Variants in DIAPH1 observed in about 807,000 individuals in gnomAD.
The protein encoded by DIAPH1 is diaphanous related formin 1.
DIAPH1 carries 46 observed loss-of-function variants against 140.7 expected under a neutral mutation model. That is an observed-to-expected ratio of 0.33 (90% CI 0.26 to 0.42). The LOEUF is 0.42. DIAPH1 is among the 10% of genes least tolerant of loss of function. The pLI, the probability that DIAPH1 is intolerant of heterozygous loss-of-function variation, is 1.00. For missense variants in DIAPH1, 1,310 were observed against 1,558.7 expected, an observed-to-expected ratio of 0.84 and a Z score of 2.69; for synonymous variants, 565 against 551.6, an observed-to-expected ratio of 1.02 and a Z score of -0.34.
Position 141,576,303 on chromosome 5 carries a change from A to G in DIAPH1, c.1397-9T>C. 10 of 1,609,988 alleles carry G rather than the reference A, an allele frequency of 6.2e-6. No individual in the cohort carries two copies. The highest frequency in any genetic ancestry group is 8.5e-6 in the Non-Finnish European group (10 of 1,176,226). ...CTTATCAATCATTTGATCTGAAAAGAAGAAGAGTCAGTAAGTAAAGCTCCT... is the reference window on the plus strand; with the variant it reads ...CTTATCAATCATTTGATCTGAAAAGGAGAAGAGTCAGTAAGTAAAGCTCCT... On this transcript the variant is annotated splice_polypyrimidine_tract_variant and intron_variant, in intron 13 of 27. Transcript: ENST00000389054.
intron 7 of DIAPH1, chr5:141,582,086 A>AG (rs1562328962): frequency 1.1e-4 from 42 of 391,732 alleles, no homozygotes; most frequent in South Asian, 1.2e-4. Flanking sequence ...AAAAAAAAAA[A>AG]AGAGAGAGAA....
At chr5:141,605,850 C>T (rs575301272) in intron 1 of DIAPH1, among the ~76,000 whole-genome samples, 1 of 152,102 alleles carries the variant, frequency 6.6e-6, no homozygotes. Flanking sequence ...CTTCTTCTTG[C>T]GGTTTCAATC....
In DIAPH1 at chr5:141,587,093, T is replaced by C; in HGVS notation, c.249A>G (p.Ser83=). The part of the protein sequence containing the change: ...ASYGDDPTAQ[S]LQDVSDEQVL... Reference sequence around the variant, plus strand: ...CTTGTTCATCTGAAACATCTTGCAATGACTGTGCTGTGGGATCATCCCCAT... The same window carrying C: ...CTTGTTCATCTGAAACATCTTGCAACGACTGTGCTGTGGGATCATCCCCAT... The change falls in exon 3 of 28, where the codon TCA becomes TCG. Residue 83 remains serine, a synonymous_variant. Transcript: ENST00000389054. 6.2e-7 allele frequency: 1 copy of C among 1,614,192 alleles called. No homozygotes were observed. Among genetic ancestry groups the C allele is most frequent in the Non-Finnish European group, 8.5e-7 (1 of 1,180,022 alleles).
At chr5:141,540,857 C>T (rs776591209) in intron 18 of DIAPH1, among the ~76,000 whole-genome samples, 20 of 151,702 alleles carry the variant, frequency 1.3e-4, no homozygotes, top group Admixed American at 1.2e-3. Context: ...CTCAGGAGTT[C>T]GAGACCACCC....
In DIAPH1 at chr5:141,579,961, GA is replaced by G. The variant is rs1403489827; in HGVS notation, c.825-766del. Among the ~76,000 whole-genome samples the G allele has an allele frequency of 2.8e-3, 398 of 140,426 alleles. 1 individual carries two copies. The highest frequency in any genetic ancestry group is 0.011 in the East Asian group (53 of 4,846). The allele number at this position is 140,426 out of a possible 152,430, so 92.1% of individuals were successfully genotyped here. A position where few individuals can be genotyped will look rare whatever the true frequency, so the allele number is the denominator to read the frequency against. Reference sequence around the variant, plus strand: ...AGCCTCCGTCTCAAAAAAAAAAAAGGAAAAAAAAAAAATCTGTAAGTCCAGC... The same window carrying G: ...AGCCTCCGTCTCAAAAAAAAAAAAGGAAAAAAAAAAATCTGTAAGTCCAGC... On this transcript the variant is annotated intron_variant, in intron 8 of 27. Coordinates refer to ENST00000389054, the MANE Select transcript of DIAPH1 (RefSeq NM_005219.5).
Position 141,554,737 on chromosome 5 carries a change from C to T in DIAPH1, c.2482+16691G>A, listed in dbSNP as rs944642660. 5.9e-5 allele frequency among the ~76,000 whole-genome samples: 9 copies of T among 152,138 alleles called. No homozygotes were observed. The South Asian group carries it at 1.2e-3, about 21-fold the overall frequency. Reference sequence around the variant, plus strand: ...TAGATTTGTTTTAGGAATGCAAAATCGGTGTAACAGAAATCAGTTAATATG... The same window carrying T: ...TAGATTTGTTTTAGGAATGCAAAATTGGTGTAACAGAAATCAGTTAATATG... On this transcript the variant is annotated intron_variant, in intron 18 of 27. Transcript: ENST00000389054.
chr5:141,535,285 A>C (rs2099888843), intron 18 of DIAPH1, among the ~76,000 whole-genome samples: 1 of 152,130 alleles, frequency 6.6e-6, no homozygotes, highest in Non-Finnish European at 1.5e-5. Flanking sequence ...TTCTCTAAAA[A>C]AATTTTGTTT....
Position 141,528,474 on chromosome 5 carries a change from G to A in DIAPH1, c.3127C>T (p.His1043Tyr). The A allele has an allele frequency of 7.4e-6, 12 of 1,614,196 alleles. No individual in the cohort carries two copies. The highest frequency in any genetic ancestry group is 9.3e-6 in the Non-Finnish European group (11 of 1,180,040). The change falls in exon 23 of 28, where the codon CAT becomes TAT. Residue 1043 changes from histidine to tyrosine, a missense_variant. Physicochemically the swap from His to Tyr is moderately conservative, Grantham distance 83 (BLOSUM62 2). Coordinates refer to ENST00000389054, the MANE Select transcript of DIAPH1 (RefSeq NM_005219.5). Reference sequence around the variant, plus strand: ...CCACCTCGGCTGGCTTTCTCCACATGGGCAAGCTCGTCTGGAAACTTGAGG... The same window carrying A: ...CCACCTCGGCTGGCTTTCTCCACATAGGCAAGCTCGTCTGGAAACTTGAGG... Reference protein sequence around the residue: ...DVLKFPDELAHVEKASRVSAE... With the variant: ...DVLKFPDELAYVEKASRVSAE...
At chr5:141,599,917 C>G (rs564025346) in intron 1 of DIAPH1, among the ~76,000 whole-genome samples, 3 of 151,880 alleles carry the variant, frequency 2.0e-5, no homozygotes, top group African/African-American at 7.3e-5. Flanking sequence ...GTTTTTGAGA[C>G]AAGGTCTCAC....
intron 18 of DIAPH1, chr5:141,560,765 TTCA>T: frequency 2.3e-6 from 1 of 436,878 alleles, no homozygotes; most frequent in South Asian, 1.6e-5. Flanking sequence ...TTCTGTTTTA[TTCA>T]GGGTTGGGAA....
At chr5:141,567,744 C>T (rs1485012090) in intron 18 of DIAPH1, among the ~76,000 whole-genome samples, 3 of 152,118 alleles carry the variant, frequency 2.0e-5, no homozygotes, top group Non-Finnish European at 4.4e-5. Flanking sequence ...AGAAAAAGAC[C>T]CTCAGATTCT....
chr5:141,599,460 C>T (rs1435228783), intron 1 of DIAPH1, among the ~76,000 whole-genome samples: 1 of 152,182 alleles, frequency 6.6e-6, no homozygotes, highest in Non-Finnish European at 1.5e-5. Flanking sequence ...TTGGTCCTTA[C>T]ACTCTGACGA....
Position 141,516,709 on chromosome 5 carries a change from C to G in DIAPH1, c.*142G>C. On this transcript the variant is annotated 3_prime_UTR_variant, in exon 28 of 28. Transcript: ENST00000389054. ...GAAGCTGTATGTGATGTTGAGAGAG[C>G]AGCAGGCCAGAGAGAAAGACAGGGT... 2.2e-6 allele frequency: 2 copies of G among 888,970 alleles called. No homozygotes were observed. Among genetic ancestry groups the G allele is most frequent in the South Asian group, 1.4e-5 (1 of 69,126 alleles). 55.1% of individuals were successfully genotyped at this position (888,970 alleles called of 1,614,324 possible).
At chr5:141,572,884 G>T (rs2099895401) in intron 16 of DIAPH1, among the ~76,000 whole-genome samples, 1 of 152,148 alleles carries the variant, frequency 6.6e-6, no homozygotes, top group Non-Finnish European at 1.5e-5. Context: ...TTGCAGACTG[G>T]TGAATGACTA....
chr5:141,562,440 A>C (rs1424630121), intron 18 of DIAPH1, among the ~76,000 whole-genome samples: 3 of 152,166 alleles, frequency 2.0e-5, no homozygotes, highest in Admixed American at 2.0e-4. Flanking sequence ...AATCTGTATC[A>C]GTATTTGTTT....
At chr5:141,545,455 A>G (rs1248581125) in intron 18 of DIAPH1, among the ~76,000 whole-genome samples, 5 of 152,140 alleles carry the variant, frequency 3.3e-5, no homozygotes, top group African/African-American at 1.2e-4. Context: ...GCTCGAGACC[A>G]GCCTAGGCGA....
At chr5:141,561,241 T>A (rs1036894304) in intron 18 of DIAPH1, among the ~76,000 whole-genome samples, 3 of 151,772 alleles carry the variant, frequency 2.0e-5, no homozygotes, top group African/African-American at 7.3e-5. Flanking sequence ...AGAGTTGGGG[T>A]TATTGTAGGA....
chr5:141,585,961 G>A (rs6580191), intron 3 of DIAPH1, among the ~76,000 whole-genome samples: 35,629 of 152,020 alleles, frequency 0.23, 5,652 homozygotes, highest in African/African-American at 0.46. Flanking sequence ...TTAAAATTAC[G>A]GATTGCTGAC....
chr5:141,605,503 C>T (rs910591764), intron 1 of DIAPH1, among the ~76,000 whole-genome samples: 6 of 152,164 alleles, frequency 3.9e-5, no homozygotes, highest in African/African-American at 1.4e-4. Context: ...GGCAAAATGC[C>T]TATCAGTATT....
Sources: allele counts gnomAD v4.1 joint callset (sites outside exome capture counted in the v4.1 genomes callset), GRCh38; gene constraint gnomAD v4.1.1; transcripts MANE v1.5; gene names NCBI Gene and HGNC (gene_info 2026-07-23, HGNC 2026-07-21).